Variants in PZP observed in about 807,000 individuals in gnomAD.
The protein encoded by PZP is PZP alpha-2-macroglobulin like, also known as pregnancy zone protein.
A neutral mutation model predicts 179.8 loss-of-function variants in PZP; 150 were observed. The ratio of observed to expected loss-of-function variants is 0.83; its 90% CI spans 0.73 to 0.96. The LOEUF is 0.96. PZP is among the 40% of genes least tolerant of loss of function. The pLI, the probability that PZP is intolerant of heterozygous loss-of-function variation, is 0.00. For synonymous variants in PZP, 624 were observed against 652.3 expected, an observed-to-expected ratio of 0.96 and a Z score of 0.66; for missense variants, 1,689 against 1,764.0, an observed-to-expected ratio of 0.96 and a Z score of 0.76.
rs769867688 is a variant in PZP, at chr12:9,200,974, C to T, written c.588G>A (p.Glu196=). The T allele has an allele frequency of 2.6e-5, 42 of 1,614,110 alleles. No homozygotes were observed. The Admixed American group carries it at 3.5e-4, about 13-fold the overall frequency. ...CCACCCTGTAGGAGCCCTGAATGGG[C>T]TCTGATGAGAGGGGAAAGGACAACT... The part of the protein sequence containing the change: ...INQLSFPLSS[E]PIQGSYRVVV... The change falls in exon 6 of 36, where the codon GAG becomes GAA. Residue 196 remains glutamate (E), a synonymous_variant. Coordinates refer to ENST00000261336, the MANE Select transcript of PZP (RefSeq NM_002864.3).
At chr12:9,177,416 A>C (rs1266687727) in intron 15 of PZP, among the ~76,000 whole-genome samples, 1 of 152,178 alleles carries the variant, frequency 6.6e-6, no homozygotes, top group East Asian at 1.9e-4. Flanking sequence ...TTTGGCCGCC[A>C]TGTTAATCGC....
rs1225083282 is a variant in PZP at position 9,194,076 on chromosome 12, C to A, written c.1254+1G>T. The A allele has an allele frequency of 6.2e-7, 1 of 1,611,896 alleles. No individual in the cohort carries two copies. Among genetic ancestry groups the A allele is most frequent in the African/African-American group, 1.3e-5 (1 of 74,958 alleles). On this transcript the variant is annotated splice_donor_variant, in intron 11 of 35. Coordinates refer to ENST00000261336, the MANE Select transcript of PZP (RefSeq NM_002864.3). LOFTEE classifies it high-confidence loss of function. ...TCAGAGATTTGTCTTTCTATACTTA[C>A]CCGGACAAAAAGTTTATTAACCGAG...
chr12:9,160,000 T>C lies in PZP; in HGVS notation c.3075A>G (p.Lys1025=), dbSNP rs1241930257. ...AGGTGCTGTAGGAGCCATCTTGGTG[T>C]TTGTAGTTCAGCTGTCTCTGGTAAC... is the stretch of plus-strand genomic sequence containing the variant. ...ITGYQRQLNY[K]HQDGSYSTFG... Residue 1025 remains lysine (K), a synonymous_variant, in exon 25 of 36, where the codon AAA becomes AAG. Transcript: ENST00000261336. 3 of 1,613,790 alleles carry C rather than the reference T, an allele frequency of 1.9e-6. No individual in the cohort carries two copies. In the Admixed American group the frequency reaches 5.0e-5, roughly 27 times the overall value.
At position 9,168,915 on chromosome 12, in the gene PZP, G is replaced by A. The variant is rs1410874998; in HGVS notation, c.2061C>T (p.Val687=). The change falls in exon 17 of 36, where the codon GTC becomes GTT. Residue 687 remains valine (V), a synonymous_variant. Coordinates refer to ENST00000261336, the MANE Select transcript of PZP (RefSeq NM_002864.3). The part of the protein sequence containing the change: ...SKIRKPKSCS[V]IPSVSAGAVG... ...CTGCTCCTGCAGACACGGAAGGGAT[G>A]ACTGAACACGACTTTGGTTTTCGGA... The A allele has an allele frequency of 1.7e-5, 27 of 1,613,962 alleles. No homozygotes were observed. The highest frequency in any genetic ancestry group is 2.2e-5 in the Non-Finnish European group (26 of 1,179,982).
Position 9,153,118 on chromosome 12 carries a change from G to A in PZP, c.3993+7C>T. 1 of 1,613,528 alleles carries A rather than the reference G, an allele frequency of 6.2e-7. No individual in the cohort carries two copies. Among genetic ancestry groups the A allele is most frequent in the Non-Finnish European group, 8.5e-7 (1 of 1,179,498 alleles). Reference sequence around the variant, plus strand: ...TGACTCTCACCCATATAAGCTTGGAGCCCTACCTGAAGATACACACATCTT... The same window carrying A: ...TGACTCTCACCCATATAAGCTTGGAACCCTACCTGAAGATACACACATCTT... On this transcript the variant is annotated splice_region_variant and intron_variant, in intron 30 of 35. Transcript: ENST00000261336.
chr12:9,158,295 C>G, intron 26 of PZP, 125 bp downstream of exon 26: 3 of 1,362,774 alleles, frequency 2.2e-6, no homozygotes, highest in Non-Finnish European at 3.0e-6. Context: ...TACTCTTTCC[C>G]TGATGCCATC....
chr12:9,174,847 G>A (rs773400835), intron 15 of PZP, among the ~76,000 whole-genome samples: 1 of 152,162 alleles, frequency 6.6e-6, no homozygotes, highest in East Asian at 1.9e-4. Flanking sequence ...CCATCCTCAC[G>A]CATAAGAAGA....
the PZP span, among the ~76,000 whole-genome samples, chr12:9,137,773 T>C: frequency 2.0e-5 from 3 of 152,100 alleles, no homozygotes; most frequent in Non-Finnish European, 4.4e-5. Context: ...TAATTCTTTT[T>C]TGTGCTATTG....
In PZP at chr12:9,152,835, T is replaced by C. The variant is rs1228462735; in HGVS notation, c.4110A>G (p.Ser1370=). The C allele has an allele frequency of 6.2e-7, 1 of 1,612,468 alleles. No individual in the cohort carries two copies. Residue 1370 remains serine, a synonymous_variant, in exon 31 of 36, where the codon TCA becomes TCG. Coordinates refer to ENST00000261336, the MANE Select transcript of PZP (RefSeq NM_002864.3). ...GHKAHTSFQI[S]LTISYTGNRP... is the part of the protein sequence containing the mutation. Reference sequence around the variant, plus strand: ...TTAGAACGTCTTACCTGATGGTCAGTGAGATCTGAAAGCTGGTGTGGGCTT... The same window carrying C: ...TTAGAACGTCTTACCTGATGGTCAGCGAGATCTGAAAGCTGGTGTGGGCTT...
chr12:9,203,886 A>G lies in PZP; in HGVS notation c.149T>C (p.Leu50Pro). ...TEAPKKGCVLLSHLNETVTVS... is the reference protein window; with the variant it reads ...TEAPKKGCVLPSHLNETVTVS... ...AGTCACTGTCTCATTCAGGTGGCTCAGAAGGACACAGCCCTTCTTAGGGGC... is the reference window on the plus strand; with the variant it reads ...AGTCACTGTCTCATTCAGGTGGCTCGGAAGGACACAGCCCTTCTTAGGGGC... Residue 50 changes from leucine (L) to proline (P), a missense_variant, in exon 2 of 36, where the codon CTG becomes CCG. By Grantham distance (98) the Leu-to-Pro change is moderately conservative. Around this residue, in one of 3 missense-constraint regions of PZP, gnomAD observed 742 missense variants for 730.5 expected, o/e 1.02. Coordinates refer to ENST00000261336, the MANE Select transcript of PZP (RefSeq NM_002864.3). 6.2e-7 allele frequency: 1 copy of G among 1,614,134 alleles called. No homozygotes were observed. The highest frequency in any genetic ancestry group is 8.5e-7 in the Non-Finnish European group (1 of 1,179,978).
In PZP at chr12:9,163,832, G is replaced by A. The variant is rs771190003; in HGVS notation, c.2615-43C>T. ...GAAAACATGAGTATCCACTTTGATA[G>A]TCCAATCACCTTTAAGGGCTGCACC... is the stretch of plus-strand genomic sequence containing the variant. On this transcript the variant is annotated intron_variant, in intron 20 of 35. Transcript: ENST00000261336. 11 of 1,592,748 alleles carry A rather than the reference G, an allele frequency of 6.9e-6. No individual in the cohort carries two copies. The South Asian group carries it at 1.0e-4, about 15-fold the overall frequency.
chr12:9,142,870 AT>A, the PZP span, among the ~76,000 whole-genome samples: 6 of 152,154 alleles, frequency 3.9e-5, no homozygotes, highest in Non-Finnish European at 8.8e-5. Context: ...CCCAAATGGG[AT>A]TTGTGGCAAC....
chr12:9,186,538 C>G (rs945285306), intron 13 of PZP, among the ~76,000 whole-genome samples: 4 of 151,606 alleles, frequency 2.6e-5, no homozygotes, highest in African/African-American at 9.7e-5. Flanking sequence ...CTGATAGGCT[C>G]GAGATAAAGG....
intron 15 of PZP, 40 bp downstream of exon 15, chr12:9,180,943 G>T: frequency 6.3e-7 from 1 of 1,586,814 alleles, no homozygotes; most frequent in South Asian, 1.2e-5. Flanking sequence ...TGAGCCTCTG[G>T]AATGGCCCTT....
chr12:9,163,925 A>G, intron 20 of PZP, 136 bp from the exon 21 acceptor site: 1 of 1,280,922 alleles, frequency 7.8e-7, no homozygotes, highest in Middle Eastern at 2.3e-4. Context: ...GTTAATGTAT[A>G]CTAAGTAGCC....
chr12:9,173,513 T>C (rs1475168180), intron 15 of PZP, among the ~76,000 whole-genome samples: 1 of 151,968 alleles, frequency 6.6e-6, no homozygotes, highest in Non-Finnish European at 1.5e-5. Flanking sequence ...AAAAACCCTC[T>C]TAAAAAAACA....
chr12:9,164,091 G>A (rs750560874), intron 20 of PZP, 42 bp downstream of exon 20: 69 of 1,573,614 alleles, frequency 4.4e-5, no homozygotes, highest in Middle Eastern at 1.7e-4. Flanking sequence ...GACAGCCACC[G>A]TCCTTGTTGA....
chr12:9,169,606 G>T lies in PZP; in HGVS notation c.1840-15C>A. 2.5e-6 allele frequency: 4 copies of T among 1,576,286 alleles called. No individual in the cohort carries two copies. Among genetic ancestry groups the T allele is most frequent in the Non-Finnish European group, 3.4e-6 (4 of 1,164,636 alleles). The stretch of plus-strand genomic sequence containing the variant: ...AGATTATATACCTGTAGCAGTGGGG[G>T]GATCAAAGGCAGAACTGTTACTTAC... On this transcript the variant is annotated splice_polypyrimidine_tract_variant and intron_variant, in intron 15 of 35. Coordinates refer to ENST00000261336, the MANE Select transcript of PZP (RefSeq NM_002864.3).
rs375337434 is a variant in PZP at position 9,181,934 on chromosome 12, C to T, written c.1689+41G>A. ...GTAAAATAGATGGCACCTACAGTAT[C>T]ATTTATTTGTGTTCTTTTAATTTTA... On this transcript the variant is annotated intron_variant, in intron 14 of 35. Coordinates refer to ENST00000261336, the MANE Select transcript of PZP (RefSeq NM_002864.3). 100 of 1,598,232 alleles carry T rather than the reference C, an allele frequency of 6.3e-5. No individual in the cohort carries two copies. In the Middle Eastern group the frequency reaches 6.6e-4, roughly 11 times the overall value.
Sources: allele counts gnomAD v4.1 joint callset (sites outside exome capture counted in the v4.1 genomes callset), GRCh38; gene constraint gnomAD v4.1.1; regional missense constraint gnomAD v4.1.1; transcripts MANE v1.5; gene names NCBI Gene and HGNC (gene_info 2026-07-23, HGNC 2026-07-21).